SNX29: variants seen among roughly 807,000 people sequenced by gnomAD.
SNX29 encodes the protein sorting nexin-29.
SNX29 carries 78 observed loss-of-function variants against 102.1 expected under a neutral mutation model. The ratio of observed to expected loss-of-function variants is 0.76; its 90% confidence interval spans 0.64 to 0.92. SNX29 has a LOEUF of 0.92. Ranked by LOEUF, SNX29 falls within the 40% of genes least tolerant of loss-of-function variation. SNX29 has a pLI of 0.00. For synonymous variants in SNX29, 580 were observed against 414.5 expected (o/e 1.40, Z -4.85); for missense variants, 1,280 against 1,061.7 (o/e 1.21, Z -2.86).
chr16:12,051,001 G>A (rs1329198943), intron 7 of SNX29, among the ~76,000 whole-genome samples: 13 of 152,024 alleles, frequency 8.6e-5, no homozygotes, highest in Non-Finnish European at 1.5e-4. Context: ...GATTATAGGC[G>A]TGAGCCACCG....
At chr16:12,090,309 A>C (rs947337914) in intron 11 of SNX29, 2 of 152,272 alleles carry the variant, frequency 1.3e-5, no homozygotes, top group Non-Finnish European at 2.9e-5. Context: ...CTTCTCAGCT[A>C]CCTGGAAGCT....
intron 11 of SNX29, among the ~76,000 whole-genome samples, chr16:12,094,176 GAA>G (rs1567201503): frequency 1.3e-5 from 2 of 152,084 alleles, no homozygotes; most frequent in Non-Finnish European, 2.9e-5. Flanking sequence ...AGGATTAAAT[GAA>G]CTAACAGATG....
At chr16:11,978,224 G>C (rs2055344408) in intron 1 of SNX29, among the ~76,000 whole-genome samples, 1 of 151,340 alleles carries the variant, frequency 6.6e-6, no homozygotes, top group Non-Finnish European at 1.5e-5. Context: ...ATGATTTTAA[G>C]CCTAAGTATG....
At chr16:12,375,295 A>C (rs1355367065) in intron 16 of SNX29, 1 of 152,244 alleles carries the variant, frequency 6.6e-6, no homozygotes, top group African/African-American at 2.4e-5. Context: ...TAAATGAAAC[A>C]ATTTAGAAAT....
chr16:12,069,221 C>A, intron 10 of SNX29, 89 bp downstream of exon 10: 1 of 1,117,628 alleles, frequency 8.9e-7, no homozygotes, highest in South Asian at 1.6e-5. Context: ...TAGGAGTGCA[C>A]CTGCTAGGAT....
In SNX29 at chr16:12,568,971, G is replaced by T; in HGVS notation, c.*342G>T. 1 of 356,230 alleles carries T rather than the reference G, an allele frequency of 2.8e-6. No individual in the cohort carries two copies. The highest frequency in any genetic ancestry group is 5.1e-6 in the Non-Finnish European group (1 of 195,858). 22.1% of individuals were successfully genotyped at this position (356,230 alleles called of 1,614,324 possible). A position where few individuals can be genotyped will look rare whatever the true frequency, so the allele number is the denominator to read the frequency against. On this transcript the variant is annotated 3_prime_UTR_variant, in exon 21 of 21. Transcript: ENST00000566228. ...CACCAGGTCAGGCTGGGTGCGCCATGGTTGAGAGGCAAAGGTGATCCCCTA... is the reference window on the plus strand; with the variant it reads ...CACCAGGTCAGGCTGGGTGCGCCATTGTTGAGAGGCAAAGGTGATCCCCTA...
chr16:12,357,428 A>C (rs2082167271), intron 16 of SNX29, among the ~76,000 whole-genome samples: 1 of 152,194 alleles, frequency 6.6e-6, no homozygotes, highest in African/African-American at 2.4e-5. Context: ...CAATTGCCTC[A>C]TACCTTTGAA....
At chr16:12,093,434 A>AC (rs111507834) in intron 11 of SNX29, among the ~76,000 whole-genome samples, 51,245 of 151,772 alleles carry the variant, frequency 0.34, 9,090 homozygotes, top group East Asian at 0.7. Context: ...ACATAGTGAG[A>AC]CCCCCTCTCT....
intron 18 of SNX29, among the ~76,000 whole-genome samples, chr16:12,409,384 A>G (rs1188887854): frequency 6.7e-6 from 1 of 150,146 alleles, no homozygotes; most frequent in African/African-American, 2.4e-5. Flanking sequence ...CTTATTCCCC[A>G]AATTCCCTGA....
intron 13 of SNX29, among the ~76,000 whole-genome samples, chr16:12,139,709 A>T (rs915017090): frequency 2.0e-5 from 3 of 152,092 alleles, no homozygotes; most frequent in African/African-American, 7.2e-5. Flanking sequence ...TATAGAGGCC[A>T]GGTGCAGTGG....
chr16:12,472,528 C>A (rs1033313997), intron 18 of SNX29, among the ~76,000 whole-genome samples: 54 of 111,514 alleles, frequency 4.8e-4, no homozygotes, highest in East Asian at 1.6e-3. Flanking sequence ...CAAAAAAAAA[C>A]CAAAAAAAAA....
chr16:12,071,187 G>C (rs1348004134), intron 10 of SNX29, among the ~76,000 whole-genome samples: 3 of 151,684 alleles, frequency 2.0e-5, no homozygotes, highest in Admixed American at 2.0e-4. Context: ...GATCCCATTT[G>C]TCAATTTTGG....
At chr16:12,415,254 C>G (rs898592130) in intron 18 of SNX29, among the ~76,000 whole-genome samples, 2 of 152,230 alleles carry the variant, frequency 1.3e-5, no homozygotes, top group African/African-American at 2.4e-5. Context: ...GCTGTACAAG[C>G]GCCACACTGT....
chr16:12,562,271 G>T (rs1213080602), intron 20 of SNX29, among the ~76,000 whole-genome samples: 1 of 152,080 alleles, frequency 6.6e-6, no homozygotes, highest in Admixed American at 6.5e-5. Context: ...CATCCCCATG[G>T]GCCACGCTCT....
At chr16:12,088,777 C>T (rs2052349711) in intron 11 of SNX29, among the ~76,000 whole-genome samples, 1 of 152,146 alleles carries the variant, frequency 6.6e-6, no homozygotes, top group South Asian at 2.1e-4. Context: ...AAGACCCTTC[C>T]TCTACAAATA....
intron 14 of SNX29, among the ~76,000 whole-genome samples, chr16:12,248,850 C>T (rs1464235277): frequency 6.6e-6 from 1 of 151,930 alleles, no homozygotes; most frequent in African/African-American, 2.4e-5. Flanking sequence ...CTGTCTGACT[C>T]CCCCAGTAGA....
intron 19 of SNX29, among the ~76,000 whole-genome samples, chr16:12,514,635 C>T (rs917989039): frequency 3.3e-5 from 5 of 152,110 alleles, no homozygotes; most frequent in East Asian, 1.9e-4. Context: ...GAGGCCAAGA[C>T]GGGCAAATCA....
intron 9 of SNX29, among the ~76,000 whole-genome samples, chr16:12,065,153 T>G (rs570065801): frequency 2.6e-5 from 4 of 151,928 alleles, no homozygotes; most frequent in African/African-American, 9.7e-5. Flanking sequence ...AGTTTTGGAG[T>G]TGCTTTTCTT....
intron 20 of SNX29, chr16:12,526,863 G>A (rs932949569): frequency 1.2e-5 from 5 of 402,908 alleles, no homozygotes; most frequent in African/African-American, 6.0e-5. Context: ...AAAAGTGCAC[G>A]TTAATGCGAG....
Sources: allele counts gnomAD v4.1 joint callset (sites outside exome capture counted in the v4.1 genomes callset), GRCh38; gene constraint gnomAD v4.1.1; transcripts MANE v1.5; gene names NCBI Gene and HGNC (gene_info 2026-07-23, HGNC 2026-07-21).